MARS1: variants seen among roughly 807,000 people sequenced by gnomAD.
MARS1 encodes methionine--tRNA ligase, cytoplasmic.
MARS1 carries 80 observed loss-of-function variants against 119.5 expected under a neutral mutation model. That is an observed-to-expected ratio of 0.67 (90% CI 0.56 to 0.81). The LOEUF is 0.81. Among genes scored for constraint, MARS1 ranks in the 30% least tolerant of loss-of-function variants. The probability of loss-of-function intolerance (pLI) is 0.00; values close to 1 mark genes in which losing one functional copy is unlikely to be tolerated. For missense variants in MARS1, 945 were observed against 1,116.5 expected (o/e 0.85, Z 2.19); for synonymous variants, 418 against 433.4 (o/e 0.96, Z 0.44).
At chr12:57,506,206 C>T (rs1877171487) in intron 11 of MARS1, among the ~76,000 whole-genome samples, 1 of 152,116 alleles carries the variant, frequency 6.6e-6, no homozygotes, top group African/African-American at 2.4e-5. Flanking sequence ...CTGCAGTGAG[C>T]CATGATTGAA....
In MARS1 at chr12:57,512,862, T is replaced by C. The variant is rs1334729787; in HGVS notation, c.1865T>C (p.Leu622Pro). 6.2e-7 allele frequency: 1 copy of C among 1,614,252 alleles called. No homozygotes were observed. Among genetic ancestry groups the C allele is most frequent in the East Asian group, 2.2e-5 (1 of 44,888 alleles). Residue 622 changes from leucine (L) to proline (P), a missense_variant, in exon 15 of 21, where the codon CTG becomes CCG. Leu to Pro is a moderately conservative substitution (Grantham distance 98, BLOSUM62 -3). Transcript: ENST00000262027. The stretch of plus-strand genomic sequence containing the variant: ...GCTGACATCTGGCGCTTCTATCTGC[T>C]GTACATTCGGCCTGAGGGCCAGGAC... Reference protein sequence around the residue: ...IPADIWRFYLLYIRPEGQDSA... With the variant: ...IPADIWRFYLPYIRPEGQDSA...
chr12:57,515,661 T>C (rs1384200761), intron 18 of MARS1, among the ~76,000 whole-genome samples: 1 of 152,256 alleles, frequency 6.6e-6, no homozygotes, highest in African/African-American at 2.4e-5. Flanking sequence ...TGACACAAAA[T>C]GAAAAAGTAA....
intron 7 of MARS1, among the ~76,000 whole-genome samples, chr12:57,495,947 G>T (rs1484494115): frequency 6.6e-6 from 1 of 152,254 alleles, no homozygotes; most frequent in African/African-American, 2.4e-5. Flanking sequence ...CGAGATGGCG[G>T]CAGTACAGTC....
At chr12:57,496,727 G>C (rs748678994) in intron 7 of MARS1, among the ~76,000 whole-genome samples, 1 of 151,460 alleles carries the variant, frequency 6.6e-6, no homozygotes, top group Non-Finnish European at 1.5e-5. Flanking sequence ...ACAGTGTGCT[G>C]TGTTGTGCCA....
intron 7 of MARS1, among the ~76,000 whole-genome samples, chr12:57,492,313 G>A (rs949131358): frequency 6.7e-6 from 1 of 149,914 alleles, no homozygotes; most frequent in Non-Finnish European, 1.5e-5. Flanking sequence ...AGGAAAAGAA[G>A]AGGTTGCTAT....
chr12:57,516,269 G>C lies in MARS1; in HGVS notation c.2488G>C (p.Val830Leu), dbSNP rs1261155138. 2 of 1,614,214 alleles carry C rather than the reference G, an allele frequency of 1.2e-6. No homozygotes were observed. Among genetic ancestry groups the C allele is most frequent in the Non-Finnish European group, 1.7e-6 (2 of 1,180,038 alleles). ...GQAKTSPKPAVVETVTTAKPQ... is the reference protein window; with the variant it reads ...GQAKTSPKPALVETVTTAKPQ... ...GGCAAAAACGTCCCCGAAGCCAGCA[G>C]TTGTAGAGACTGTTACAACAGCCAA... Residue 830 changes from valine (V) to leucine (L), a missense_variant, in exon 20 of 21, where the codon GTT (valine) becomes CTT (leucine). Transcript: ENST00000262027.
chr12:57,493,363 A>C (rs1385994342), intron 7 of MARS1, among the ~76,000 whole-genome samples: 2 of 86,614 alleles, frequency 2.3e-5, no homozygotes, highest in Non-Finnish European at 4.1e-5. Context: ...ATTATATGAT[A>C]TGTATAATAT....
At position 57,489,408 on chromosome 12, in the gene MARS1, G is replaced by C; in HGVS notation, c.280-16G>C. On this transcript the variant is annotated splice_polypyrimidine_tract_variant and intron_variant, in intron 3 of 20. Transcript: ENST00000262027. ...GTTCTGCGTGGCCATCCTGACTCAT[G>C]TCCCCTGCATTTTAGCCAGCTTTGT... is the stretch of plus-strand genomic sequence containing the variant. 1 of 1,614,210 alleles carries C rather than the reference G, an allele frequency of 6.2e-7. No individual in the cohort carries two copies. The highest frequency in any genetic ancestry group is 8.5e-7 in the Non-Finnish European group (1 of 1,180,046).
intron 7 of MARS1, among the ~76,000 whole-genome samples, chr12:57,496,405 C>T (rs1021904437): frequency 7.2e-5 from 11 of 152,030 alleles, no homozygotes; most frequent in Non-Finnish European, 1.5e-4. Context: ...CCTCGTGATC[C>T]GCCTGCCTGA....
intron 10 of MARS1, 109 bp downstream of exon 10, chr12:57,500,631 C>T (rs1453561748): frequency 9.7e-7 from 1 of 1,031,674 alleles, no homozygotes; most frequent in Non-Finnish European, 1.4e-6. Context: ...GACCTTTAAC[C>T]AGTGGCCCTT....
At chr12:57,512,387 C>A (rs1401145056) in intron 14 of MARS1, 34 bp downstream of exon 14, 3 of 1,458,042 alleles carry the variant, frequency 2.1e-6, no homozygotes, top group African/African-American at 1.4e-5. Flanking sequence ...ATGGGGTGTT[C>A]ATAGGAAATG....
Position 57,515,996 on chromosome 12 carries a change from G to A in MARS1, c.2463+5G>A. 6.2e-7 allele frequency: 1 copy of A among 1,614,108 alleles called. No homozygotes were observed. Among genetic ancestry groups the A allele is most frequent in the African/African-American group, 1.3e-5 (1 of 75,028 alleles). Reference sequence around the variant, plus strand: ...CAGCGCTTTGGAGGGGGCCAGGTGAGAAAGCTAAAGGCTGTGCCCTCGCTC... The same window carrying A: ...CAGCGCTTTGGAGGGGGCCAGGTGAAAAAGCTAAAGGCTGTGCCCTCGCTC... On this transcript the variant is annotated splice_donor_5th_base_variant and intron_variant, in intron 19 of 20. Transcript: ENST00000262027.
rs777860373 is a variant in MARS1 at position 57,516,075 on chromosome 12, A to C, written c.2463+84A>C. On this transcript the variant is annotated intron_variant, in intron 19 of 20. Coordinates refer to ENST00000262027, the MANE Select transcript of MARS1 (RefSeq NM_004990.4). ...TTTCCCTAAGTAGTCCTCACCCATC[A>C]CTCTTTCCATCTTTTGGCCCTGCCG... The C allele has an allele frequency of 3.4e-6, 5 of 1,465,882 alleles. No homozygotes were observed. In the African/African-American group the frequency reaches 7.0e-5, roughly 20 times the overall value. 90.8% of individuals were successfully genotyped at this position (1,465,882 alleles called of 1,614,324 possible).
At chr12:57,490,937 C>T (rs1252584926) in intron 7 of MARS1, among the ~76,000 whole-genome samples, 2 of 139,522 alleles carry the variant, frequency 1.4e-5, no homozygotes, top group East Asian at 2.1e-4. Flanking sequence ...AGTGCATTGG[C>T]GCGATCTCAG....
chr12:57,492,422 G>C (rs1004057784), intron 7 of MARS1, among the ~76,000 whole-genome samples: 17 of 151,988 alleles, frequency 1.1e-4, no homozygotes, highest in African/African-American at 3.9e-4. Flanking sequence ...TGTAATCCTA[G>C]CACTTTGGGA....
intron 11 of MARS1, among the ~76,000 whole-genome samples, chr12:57,508,980 T>C (rs1021964037): frequency 3.9e-5 from 6 of 152,228 alleles, no homozygotes; most frequent in African/African-American, 1.4e-4. Flanking sequence ...ATGGTGATTT[T>C]CCAACTCTAC....
At chr12:57,489,787 T>A in intron 4 of MARS1, 109 bp from the exon 5 acceptor site, 2 of 1,133,494 alleles carry the variant, frequency 1.8e-6, no homozygotes, top group Admixed American at 1.7e-5. Flanking sequence ...TATAAAGTGC[T>A]TAATACAGTG....
Position 57,511,785 on chromosome 12 carries a change from C to T in MARS1, c.1456C>T (p.Leu486Phe). The change falls in exon 12 of 21, where the codon CTT becomes TTT. Residue 486 changes from leucine (L) to phenylalanine (F), a missense_variant. Coordinates refer to ENST00000262027, the MANE Select transcript of MARS1 (RefSeq NM_004990.4). ...PNAQFITRSW[L>F]RDGLKPRCIT... ...TGCCCAGTTTATCACCCGTTCTTGG[C>T]TTCGGGATGGCCTCAAGCCACGCTG... The T allele has an allele frequency of 6.2e-7, 1 of 1,614,204 alleles. No homozygotes were observed. The highest frequency in any genetic ancestry group is 8.5e-7 in the Non-Finnish European group (1 of 1,180,038).
chr12:57,504,017 T>C lies in MARS1; in HGVS notation c.1294-208T>C, dbSNP rs539762614. ...TTACTCTGGTGTGATGGGACAGAGATCTGAAACTCTGAGAACAAATGGAGT... is the reference window on the plus strand; with the variant it reads ...TTACTCTGGTGTGATGGGACAGAGACCTGAAACTCTGAGAACAAATGGAGT... On this transcript the variant is annotated intron_variant, in intron 10 of 20. Coordinates refer to ENST00000262027, the MANE Select transcript of MARS1 (RefSeq NM_004990.4). The C allele has an allele frequency of 2.3e-4, 132 of 582,106 alleles. 2 individuals are homozygous for C. The highest frequency in any genetic ancestry group is 2.8e-5 in the Non-Finnish European group (9 of 326,126). The allele number at this position is 582,106 out of a possible 1,614,324, so 36.1% of individuals were successfully genotyped here.
Sources: gnomAD v4.1 joint callset for allele counts (sites outside exome capture counted in the v4.1 genomes callset) on GRCh38, gnomAD v4.1.1 for gene constraint, MANE v1.5 for transcripts, NCBI Gene and HGNC (gene_info 2026-07-23, HGNC 2026-07-21) for gene names.